Variants in C6orf89 observed in about 807,000 individuals in gnomAD.
The protein encoded by C6orf89 is bombesin receptor-activated protein C6orf89.
C6orf89 carries 29 observed loss-of-function variants against 40.7 expected under a neutral mutation model. The ratio of observed to expected loss-of-function variants is 0.71; its 90% CI spans 0.53 to 0.97. The LOEUF (loss-of-function observed/expected upper bound fraction) is 0.97. Ranked by LOEUF, C6orf89 falls within the 50% of genes least tolerant of loss-of-function variation. The pLI is 0.00. For synonymous variants in C6orf89, 165 were observed against 152.2 expected, an observed-to-expected ratio of 1.08 and a Z score of -0.62; for missense variants, 392 against 429.1, an observed-to-expected ratio of 0.91 and a Z score of 0.76.
At chr6:36,882,762 G>A (rs1441415107), upstream of C6orf89, among the ~76,000 whole-genome samples, 43 of 122,454 alleles carry the variant, frequency 3.5e-4, no homozygotes, top group East Asian at 1.6e-3. Context: ...ACGGAGTCTC[G>A]CTCTGTCGCC....
At chr6:36,903,658 A>G (rs901388938) in intron 4 of C6orf89, among the ~76,000 whole-genome samples, 2 of 152,074 alleles carry the variant, frequency 1.3e-5, no homozygotes, top group Non-Finnish European at 2.9e-5. Context: ...ACAGGGTTTC[A>G]CCGTGTTAGC....
intron 8 of C6orf89, among the ~76,000 whole-genome samples, chr6:36,922,761 G>A (rs559545159): frequency 1.3e-5 from 2 of 152,320 alleles, no homozygotes; most frequent in South Asian, 4.1e-4. Flanking sequence ...TTAGGTTTAG[G>A]TTAATCTGGA....
At chr6:36,884,437 G>A (rs77007168), upstream of C6orf89, among the ~76,000 whole-genome samples, 1 of 152,070 alleles carries the variant, frequency 6.6e-6, no homozygotes, top group Non-Finnish European at 1.5e-5. This position sits in a 1 kb window ranked among gnomAD's most constrained non-coding sequence, Gnocchi z 4.0. Flanking sequence ...TTATCCGCCC[G>A]ATAATGATAA....
At chr6:36,889,995 T>G (rs1348370774) in intron 1 of C6orf89, among the ~76,000 whole-genome samples, 1 of 152,238 alleles carries the variant, frequency 6.6e-6, no homozygotes, top group East Asian at 1.9e-4. Flanking sequence ...GTACTATTTT[T>G]GTACAAAAAG....
At chr6:36,876,950 A>G (rs1342778207) in intron 1 of C6orf89, among the ~76,000 whole-genome samples, 1 of 152,146 alleles carries the variant, frequency 6.6e-6, no homozygotes, top group Non-Finnish European at 1.5e-5. Context: ...ACTAATCATT[A>G]CCCATTCCTT....
chr6:36,893,089 C>T (rs532999897), intron 1 of C6orf89, among the ~76,000 whole-genome samples: 21 of 152,174 alleles, frequency 1.4e-4, no homozygotes, highest in African/African-American at 4.3e-4. Flanking sequence ...CCTCCGCCAC[C>T]GCGCCCGGCT....
At chr6:36,906,557 T>C (rs778863621) in intron 4 of C6orf89, among the ~76,000 whole-genome samples, 2 of 152,256 alleles carry the variant, frequency 1.3e-5, no homozygotes, top group Non-Finnish European at 2.9e-5. Context: ...CAAATTTTTG[T>C]ACAAGTGAGA....
Position 36,925,487 on chromosome 6 carries a change from C to A in C6orf89, c.*2046C>A, listed in dbSNP as rs1437470482. Reference sequence around the variant, plus strand: ...TTCTGAGGCATCCCGTGGGAAAGTCCCCTAAGTCCCATTTTGTACTTCAAC... The same window carrying A: ...TTCTGAGGCATCCCGTGGGAAAGTCACCTAAGTCCCATTTTGTACTTCAAC... On this transcript the variant is annotated 3_prime_UTR_variant, in exon 9 of 9. Coordinates refer to ENST00000480824, the MANE Select transcript of C6orf89 (RefSeq NM_001286635.2). 2 of 152,128 alleles carry A rather than the reference C, an allele frequency of 1.3e-5. No homozygotes were observed. Among genetic ancestry groups the A allele is most frequent in the African/African-American group, 4.8e-5 (2 of 41,408 alleles). 9.4% of individuals were successfully genotyped at this position (152,128 alleles called of 1,614,324 possible).
At chr6:36,912,140 C>T (rs1383645460) in intron 4 of C6orf89, among the ~76,000 whole-genome samples, 4 of 152,134 alleles carry the variant, frequency 2.6e-5, no homozygotes, top group Admixed American at 6.5e-5. Context: ...GAAGCCCTCA[C>T]CACATCTTCC....
rs1014276271 is a variant in C6orf89, at chr6:36,925,345, A to G, written c.*1904A>G. ...AGGGTTTCTTAGGAACAAAGCAACT[A>G]TTTTGATTACTGAGATCTCTGTTTT... is the stretch of plus-strand genomic sequence containing the variant. On this transcript the variant is annotated 3_prime_UTR_variant, in exon 9 of 9. Transcript: ENST00000480824. 2.6e-5 allele frequency: 4 copies of G among 152,120 alleles called. No homozygotes were observed. The highest frequency in any genetic ancestry group is 7.2e-5 in the African/African-American group (3 of 41,406). The allele number at this position is 152,120 out of a possible 1,614,324, so 9.4% of individuals were successfully genotyped here.
In C6orf89 at chr6:36,928,434, A is replaced by G. The variant is rs1479697554; in HGVS notation, c.*4993A>G. ...CCACCCTTACTCACAGTAGCATCCC[A>G]TTCTTCACACTGCAACCCCCCAGCA... On this transcript the variant is annotated 3_prime_UTR_variant, in exon 9 of 9. Transcript: ENST00000480824. 2 of 152,750 alleles carry G rather than the reference A, an allele frequency of 1.3e-5. No individual in the cohort carries two copies. The highest frequency in any genetic ancestry group is 2.9e-5 in the Non-Finnish European group (2 of 68,364). 9.5% of individuals were successfully genotyped at this position (152,750 alleles called of 1,614,324 possible). A position where few individuals can be genotyped will look rare whatever the true frequency, so the allele number is the denominator to read the frequency against.
At chr6:36,901,313 TTATTATTA>T (rs1761681569) in intron 3 of C6orf89, among the ~76,000 whole-genome samples, 1 of 64,414 alleles carries the variant, frequency 1.6e-5, no homozygotes, top group African/African-American at 7.5e-5. Context: ...ATTATTATTA[TTATTATTA>T]TTTTTTTTTT....
intron 1 of C6orf89, chr6:36,874,875 C>G: frequency 7.5e-7 from 1 of 1,338,434 alleles, no homozygotes; most frequent in Non-Finnish European, 1.0e-6. Flanking sequence ...TCAACCCTTT[C>G]GATACCAGGA....
chr6:36,876,274 C>T (rs1353166401), intron 1 of C6orf89, among the ~76,000 whole-genome samples: 1 of 152,164 alleles, frequency 6.6e-6, no homozygotes, highest in African/African-American at 2.4e-5. Context: ...CACTTTCTTC[C>T]TAAATCTTTT....
chr6:36,882,948 C>A (rs1169967753), upstream of C6orf89, among the ~76,000 whole-genome samples: 2 of 151,412 alleles, frequency 1.3e-5, no homozygotes, highest in Non-Finnish European at 2.9e-5. Flanking sequence ...ACCTTGTTAG[C>A]CAGGATGGTC....
At chr6:36,891,288 C>T (rs1761200158) in intron 1 of C6orf89, among the ~76,000 whole-genome samples, 1 of 152,174 alleles carries the variant, frequency 6.6e-6, no homozygotes, top group African/African-American at 2.4e-5. Context: ...ATGATGGTTT[C>T]CAGCTTCATC....
At chr6:36,875,945 C>G (rs1414564220) in intron 1 of C6orf89, among the ~76,000 whole-genome samples, 2 of 152,246 alleles carry the variant, frequency 1.3e-5, no homozygotes, top group Non-Finnish European at 2.9e-5. Context: ...GGAGCTGGGC[C>G]TCCTTCATCT....
At chr6:36,909,102 T>C (rs1208743299) in intron 4 of C6orf89, among the ~76,000 whole-genome samples, 1 of 152,048 alleles carries the variant, frequency 6.6e-6, no homozygotes, top group East Asian at 1.9e-4. Context: ...TTAAACCCTC[T>C]CTATATATTT....
intron 4 of C6orf89, among the ~76,000 whole-genome samples, chr6:36,906,573 T>A (rs1761934348): frequency 6.6e-6 from 1 of 152,248 alleles, no homozygotes; most frequent in Admixed American, 6.5e-5. Flanking sequence ...TGAGAACTCA[T>A]GAAAATAGAC....
Sources: gnomAD v4.1 joint callset for allele counts (sites outside exome capture counted in the v4.1 genomes callset) on GRCh38, gnomAD v4.1.1 for gene constraint, Gnocchi (gnomAD v3.1) non-coding constraint, MANE v1.5 for transcripts, NCBI Gene and HGNC (gene_info 2026-07-23, HGNC 2026-07-21) for gene names.